Variants in ADAMTS19 observed in about 807,000 individuals in gnomAD.
ADAMTS19 encodes ADAM metallopeptidase with thrombospondin type 1 motif 19.
Under a neutral mutation model 153.3 loss-of-function variants are expected in ADAMTS19, and 93 were observed. That is an observed-to-expected ratio of 0.61 (90% CI 0.51 to 0.72). The LOEUF is 0.72. Among genes scored for constraint, ADAMTS19 ranks in the 30% least tolerant of loss-of-function variants. The pLI is 0.00. For missense variants in ADAMTS19, 1,482 were observed against 1,552.1 expected, an observed-to-expected ratio of 0.95 and a Z score of 0.76; for synonymous variants, 600 against 556.6, an observed-to-expected ratio of 1.08 and a Z score of -1.10.
intron 10 of ADAMTS19, among the ~76,000 whole-genome samples, chr5:129,625,108 A>G (rs891553173): frequency 6.6e-6 from 1 of 151,992 alleles, no homozygotes; most frequent in African/African-American, 2.4e-5. Flanking sequence ...TGACCTTGCA[A>G]TAGTTTGCTC....
chr5:129,666,722 A>G (rs1437221469), intron 16 of ADAMTS19, among the ~76,000 whole-genome samples: 1 of 152,220 alleles, frequency 6.6e-6, no homozygotes, highest in East Asian at 1.9e-4. Flanking sequence ...TATGGTACAA[A>G]TAGATCATAC....
intron 6 of ADAMTS19, among the ~76,000 whole-genome samples, chr5:129,533,430 G>A (rs1178956403): frequency 1.3e-5 from 2 of 152,062 alleles, no homozygotes; most frequent in Non-Finnish European, 2.9e-5. Flanking sequence ...CTGTGGGATC[G>A]GTGGTGATAT....
At chr5:129,688,837 T>C (rs1437428210) in intron 18 of ADAMTS19, among the ~76,000 whole-genome samples, 4 of 152,232 alleles carry the variant, frequency 2.6e-5, no homozygotes, top group African/African-American at 9.6e-5. Flanking sequence ...AAATGTTCAC[T>C]TTGCGTTAGA....
At chr5:129,634,402 T>C (rs986414993) in intron 10 of ADAMTS19, among the ~76,000 whole-genome samples, 1 of 152,120 alleles carries the variant, frequency 6.6e-6, no homozygotes, top group African/African-American at 2.4e-5. Flanking sequence ...TAAACTACCA[T>C]TGATATTCAT....
chr5:129,736,091 T>A (rs1455247147), intron 22 of ADAMTS19, among the ~76,000 whole-genome samples: 3 of 151,946 alleles, frequency 2.0e-5, no homozygotes, highest in African/African-American at 7.2e-5. Context: ...AAATAATGAG[T>A]TCAAGGTGAA....
intron 13 of ADAMTS19, 115 bp downstream of exon 13, chr5:129,649,085 A>AT (rs1267826392): frequency 4.7e-6 from 5 of 1,067,550 alleles, no homozygotes; most frequent in African/African-American, 1.6e-5. Context: ...CTGAACTTTA[A>AT]TTTTTTCTAC....
intron 7 of ADAMTS19, among the ~76,000 whole-genome samples, chr5:129,593,643 C>T (rs1750248458): frequency 6.6e-6 from 1 of 152,146 alleles, no homozygotes; most frequent in African/African-American, 2.4e-5. Context: ...CTTTCACTTT[C>T]AACTTCACTG....
intron 7 of ADAMTS19, 86 bp downstream of exon 7, chr5:129,551,993 G>C (rs781334737): frequency 6.0e-6 from 5 of 830,936 alleles, no homozygotes; most frequent in Non-Finnish European, 9.1e-6. Context: ...TTTGTGTTCT[G>C]GTTATAAAGG....
At chr5:129,521,689 C>T (rs1751805663) in intron 3 of ADAMTS19, among the ~76,000 whole-genome samples, 1 of 152,070 alleles carries the variant, frequency 6.6e-6, no homozygotes, top group African/African-American at 2.4e-5. Context: ...TAGGAGCAAG[C>T]AATTTTCTTT....
Position 129,596,572 on chromosome 5 carries a change from G to T in ADAMTS19, c.1386G>T (p.Leu462Phe). 1 of 1,602,672 alleles carries T rather than the reference G, an allele frequency of 6.2e-7. No individual in the cohort carries two copies. Among genetic ancestry groups the T allele is most frequent in the Non-Finnish European group, 8.5e-7 (1 of 1,174,488 alleles). ...EPCDTVGIAY[L>F]SGMCSEKRKC... ...TGTATTTTTTAGGTATAGCTTACTT[G>T]AGTGGAATGTGTAGTGAAAAGAGAA... The change falls in exon 8 of 23, where the codon TTG becomes TTT. Residue 462 changes from leucine (L) to phenylalanine (F), a missense_variant. Leu to Phe is a conservative substitution (Grantham distance 22). Transcript: ENST00000274487.
chr5:129,686,926 A>C (rs1755119850), intron 18 of ADAMTS19, among the ~76,000 whole-genome samples: 1 of 152,098 alleles, frequency 6.6e-6, no homozygotes, highest in Non-Finnish European at 1.5e-5. Context: ...CCTGGGCCCT[A>C]ATACTGCCCT....
At chr5:129,716,912 C>A (rs1756756118) in intron 21 of ADAMTS19, among the ~76,000 whole-genome samples, 1 of 152,182 alleles carries the variant, frequency 6.6e-6, no homozygotes, top group South Asian at 2.1e-4. Context: ...CCTACGTCTC[C>A]AGAATTTTCT....
At chr5:129,714,073 G>T (rs1756600985) in intron 21 of ADAMTS19, among the ~76,000 whole-genome samples, 1 of 152,200 alleles carries the variant, frequency 6.6e-6, no homozygotes, top group Non-Finnish European at 1.5e-5. Context: ...AATGTATTTT[G>T]AAGTCCTTAA....
chr5:129,495,059 TA>T (rs1387875783), intron 2 of ADAMTS19, among the ~76,000 whole-genome samples: 3 of 152,114 alleles, frequency 2.0e-5, no homozygotes, highest in African/African-American at 7.2e-5. Flanking sequence ...AATTGTTTTT[TA>T]TTTTTTTTAA....
At chr5:129,690,491 TTA>T (rs1334339022) in intron 18 of ADAMTS19, among the ~76,000 whole-genome samples, 1 of 152,194 alleles carries the variant, frequency 6.6e-6, no homozygotes, top group Non-Finnish European at 1.5e-5. Flanking sequence ...ATCAGATTAG[TTA>T]TATATTAGGT....
chr5:129,539,831 C>CT (rs766626649), intron 6 of ADAMTS19, among the ~76,000 whole-genome samples: 13 of 152,152 alleles, frequency 8.5e-5, no homozygotes, highest in Non-Finnish European at 1.6e-4. Context: ...ACTGTTCTCC[C>CT]TTTACTCACT....
rs1752008214 is a variant in ADAMTS19, at chr5:129,526,363, C to T, written c.993C>T (p.Tyr331=). The change falls in exon 4 of 23, where the codon TAC becomes TAT. Residue 331 remains tyrosine (Y), a synonymous_variant. Coordinates refer to ENST00000274487, the MANE Select transcript of ADAMTS19 (RefSeq NM_133638.6). ...ATTCATACAAATTACCTCAAGAATACAACATAGAGACTGTAGTGGTTGCAG... is the reference window on the plus strand; with the variant it reads ...ATTCATACAAATTACCTCAAGAATATAACATAGAGACTGTAGTGGTTGCAG... ...KRYSYKLPQE[Y]NIETVVVADP... 1 of 1,603,364 alleles carries T rather than the reference C, an allele frequency of 6.2e-7. No homozygotes were observed. The highest frequency in any genetic ancestry group is 8.5e-7 in the Non-Finnish European group (1 of 1,175,536).
chr5:129,719,852 C>A (rs948412939), intron 21 of ADAMTS19, among the ~76,000 whole-genome samples: 3 of 151,932 alleles, frequency 2.0e-5, no homozygotes, highest in African/African-American at 7.3e-5. Context: ...ACCAGCCTGG[C>A]AAATATGGTA....
chr5:129,519,826 G>A (rs536868924), intron 3 of ADAMTS19, among the ~76,000 whole-genome samples: 38 of 152,026 alleles, frequency 2.5e-4, no homozygotes, highest in African/African-American at 5.8e-4. Context: ...CTTGATTTCC[G>A]TCTAACCCTC....
Sources: allele counts gnomAD v4.1 joint callset (sites outside exome capture counted in the v4.1 genomes callset), GRCh38; gene constraint gnomAD v4.1.1; transcripts MANE v1.5; gene names NCBI Gene and HGNC (gene_info 2026-07-23, HGNC 2026-07-21).